The following ARL8B variants were observed in gnomAD, a reference collection of about 807,000 sequenced individuals.
ARL8B encodes the protein ADP-ribosylation factor-like protein 8B.
ARL8B carries 9 observed loss-of-function variants against 30.6 expected under a neutral mutation model. That is an observed-to-expected ratio of 0.29 (90% CI 0.18 to 0.51). ARL8B has a LOEUF of 0.51. Among genes scored for constraint, ARL8B ranks in the 20% least tolerant of loss-of-function variants. The pLI, the probability that ARL8B is intolerant of heterozygous loss-of-function variation, is 0.97. For synonymous variants in ARL8B, 74 were observed against 76.0 expected (o/e 0.97, Z 0.14); for missense variants, 130 against 227.2 (o/e 0.57, Z 2.75).
intron 1 of ARL8B, among the ~76,000 whole-genome samples, chr3:5,144,235 C>G (rs576493271): frequency 1.7e-4 from 26 of 152,306 alleles, no homozygotes; most frequent in African/African-American, 5.8e-4. Context: ...AGTGGAAAGA[C>G]TTCCACCTAG....
chr3:5,137,430 A>G (rs1265222427), intron 1 of ARL8B, among the ~76,000 whole-genome samples: 2 of 142,354 alleles, frequency 1.4e-5, no homozygotes, highest in African/African-American at 2.7e-5. Context: ...CCAGTTTTTA[A>G]TTTTCTCTTT....
chr3:5,129,622 C>A (rs75831663), intron 1 of ARL8B, among the ~76,000 whole-genome samples: 2,323 of 152,214 alleles, frequency 0.015, 64 homozygotes, highest in African/African-American at 0.053. Flanking sequence ...CTTATTGCAG[C>A]CTCCACCTCC....
intron 1 of ARL8B, among the ~76,000 whole-genome samples, chr3:5,145,420 C>T (rs1312834592): frequency 9.9e-5 from 15 of 152,094 alleles, no homozygotes; most frequent in African/African-American, 2.2e-4. Flanking sequence ...GGATAGCTTT[C>T]GACTCTCCTC....
chr3:5,124,036 G>A (rs962711222), intron 1 of ARL8B, among the ~76,000 whole-genome samples: 6 of 152,010 alleles, frequency 3.9e-5, no homozygotes, highest in African/African-American at 1.4e-4. Context: ...ACCACGCCCG[G>A]CTAATTACTT....
chr3:5,128,301 A>G (rs1332949856), intron 1 of ARL8B, among the ~76,000 whole-genome samples: 1 of 152,180 alleles, frequency 6.6e-6, no homozygotes, highest in South Asian at 2.1e-4. Flanking sequence ...TGTTTTACAC[A>G]TCTGAAACTT....
chr3:5,141,717 A>AT (rs2054374930), intron 1 of ARL8B, among the ~76,000 whole-genome samples: 1 of 152,214 alleles, frequency 6.6e-6, no homozygotes, highest in Non-Finnish European at 1.5e-5. Flanking sequence ...GAATGAAAGT[A>AT]TAACGTTTCC....
intron 2 of ARL8B, among the ~76,000 whole-genome samples, chr3:5,171,931 T>G (rs1323048938): frequency 9.9e-5 from 15 of 152,250 alleles, no homozygotes. Flanking sequence ...AAATTTTAGA[T>G]GTATTGTAAA....
chr3:5,136,886 A>T (rs1176925900), intron 1 of ARL8B, among the ~76,000 whole-genome samples: 2 of 152,062 alleles, frequency 1.3e-5, no homozygotes, highest in Non-Finnish European at 2.9e-5. Flanking sequence ...AGGTCTGTAA[A>T]ACTTTGCCCT....
chr3:5,123,465 TTTGG>T (rs2054201702), intron 1 of ARL8B, among the ~76,000 whole-genome samples: 1 of 152,192 alleles, frequency 6.6e-6, no homozygotes, highest in Admixed American at 6.5e-5. Context: ...GTTTTGCTTG[TTTGG>T]TTGGTTGGGA....
At chr3:5,140,885 C>T (rs760480508) in intron 1 of ARL8B, among the ~76,000 whole-genome samples, 3 of 152,150 alleles carry the variant, frequency 2.0e-5, no homozygotes, top group African/African-American at 7.2e-5. Flanking sequence ...TGAAGAACAG[C>T]GGAAGCAAGA....
intron 4 of ARL8B, among the ~76,000 whole-genome samples, chr3:5,173,211 A>T (rs1026963508): frequency 7.2e-5 from 11 of 152,132 alleles, no homozygotes; most frequent in African/African-American, 2.7e-4. Flanking sequence ...GATACATACA[A>T]ATGTGAGGTA....
chr3:5,135,853 G>A (rs1040954819), intron 1 of ARL8B, among the ~76,000 whole-genome samples: 19 of 142,972 alleles, frequency 1.3e-4, no homozygotes, highest in African/African-American at 4.9e-4. Flanking sequence ...GTGGCGCGAT[G>A]TTGGCTCACT....
At chr3:5,147,356 T>C (rs531354006) in intron 1 of ARL8B, among the ~76,000 whole-genome samples, 2 of 152,224 alleles carry the variant, frequency 1.3e-5, no homozygotes, top group African/African-American at 4.8e-5. Flanking sequence ...GAACTCATCC[T>C]TTTTTATGGC....
intron 2 of ARL8B, among the ~76,000 whole-genome samples, chr3:5,171,565 CT>C (rs1415458337): frequency 6.6e-6 from 1 of 152,114 alleles, no homozygotes; most frequent in East Asian, 1.9e-4. Context: ...CCAGGCTGGT[CT>C]CGAACTCCTG....
chr3:5,173,745 A>AC (rs56978360), intron 4 of ARL8B, among the ~76,000 whole-genome samples: 6 of 151,916 alleles, frequency 3.9e-5, no homozygotes, highest in Admixed American at 1.3e-4. Context: ...AAACAAACAA[A>AC]AAGAATAGCA....
intron 4 of ARL8B, among the ~76,000 whole-genome samples, chr3:5,173,587 G>GGGC (rs2054697689): frequency 6.6e-6 from 1 of 152,130 alleles, no homozygotes; most frequent in Non-Finnish European, 1.5e-5. Context: ...AAAATCAGCT[G>GGGC]GGCGTGGTGG....
intron 2 of ARL8B, 154 bp downstream of exon 2, chr3:5,170,737 T>A (rs2054665625): frequency 3.4e-6 from 2 of 589,726 alleles, no homozygotes; most frequent in Non-Finnish European, 5.8e-6. Context: ...GTTGTTTTTT[T>A]GTTTTTTTTT....
intron 1 of ARL8B, among the ~76,000 whole-genome samples, chr3:5,139,962 C>G (rs769140845): frequency 6.6e-6 from 1 of 151,040 alleles, no homozygotes; most frequent in Non-Finnish European, 1.5e-5. Flanking sequence ...GATAGCTTCT[C>G]ACTACACAAG....
At chr3:5,155,683 C>T (rs1241591180) in intron 1 of ARL8B, among the ~76,000 whole-genome samples, 1 of 145,404 alleles carries the variant, frequency 6.9e-6, no homozygotes, top group Non-Finnish European at 1.5e-5. Context: ...CCACCCCCGC[C>T]TGGTCAAATC....
Sources: gnomAD v4.1 joint callset for allele counts (sites outside exome capture counted in the v4.1 genomes callset) on GRCh38, gnomAD v4.1.1 for gene constraint, MANE v1.5 for transcripts, NCBI Gene and HGNC (gene_info 2026-07-23, HGNC 2026-07-21) for gene names.